CHD1L: variants seen among roughly 807,000 people sequenced by gnomAD.
CHD1L encodes the protein ATP-dependent chromatin remodeler CHD1L.
A neutral mutation model predicts 115.9 loss-of-function variants in CHD1L; 118 were observed. The observed-to-expected ratio is 1.02, with a 90% CI of 0.88 to 1.19. The LOEUF is 1.19. Ranked by LOEUF, CHD1L falls within the 50% of genes most tolerant of loss-of-function variation. The pLI is 0.00. For missense variants in CHD1L, 1,179 were observed against 1,065.3 expected (o/e 1.11, Z -1.49); for synonymous variants, 411 against 387.1 (o/e 1.06, Z -0.72).
intron 2 of CHD1L, among the ~76,000 whole-genome samples, chr1:147,253,258 G>C (rs1226237920): frequency 1.3e-5 from 2 of 152,028 alleles, no homozygotes; most frequent in Non-Finnish European, 2.9e-5. Flanking sequence ...CTCCACACTT[G>C]TTTTGTAGAC....
At position 147,268,764 on chromosome 1, in the gene CHD1L, G is replaced by T; in HGVS notation, c.989-18G>T. The T allele has an allele frequency of 6.2e-7, 1 of 1,607,548 alleles. No individual in the cohort carries two copies. Among genetic ancestry groups the T allele is most frequent in the South Asian group, 1.1e-5 (1 of 90,894 alleles). Reference sequence around the variant, plus strand: ...TTACTGAGGGCACATTACTGGGAGTGGGTTCTTTCTTTTCTAGGTGTGGAG... The same window carrying T: ...TTACTGAGGGCACATTACTGGGAGTTGGTTCTTTCTTTTCTAGGTGTGGAG... On this transcript the variant is annotated intron_variant, in intron 9 of 22. Coordinates refer to ENST00000369258, the MANE Select transcript of CHD1L (RefSeq NM_004284.6).
chr1:147,295,694 C>G lies in CHD1L; in HGVS notation c.*185C>G. The stretch of plus-strand genomic sequence containing the variant: ...TTGGTACCTGTAATATAGGGAAACA[C>G]AACTTTTTTTGGGAAAGCCCTTTGA... On this transcript the variant is annotated 3_prime_UTR_variant, in exon 23 of 23. Transcript: ENST00000369258. 2 of 523,446 alleles carry G rather than the reference C, an allele frequency of 3.8e-6. No individual in the cohort carries two copies. Among genetic ancestry groups the G allele is most frequent in the Admixed American group, 4.1e-5 (1 of 24,684 alleles). 32.4% of individuals were successfully genotyped at this position (523,446 alleles called of 1,614,324 possible).
chr1:147,282,808 C>A (rs1450347173), intron 15 of CHD1L, among the ~76,000 whole-genome samples: 3 of 152,174 alleles, frequency 2.0e-5, no homozygotes, highest in Non-Finnish European at 4.4e-5. Context: ...CTCAGTCAAT[C>A]CAACTGCCTA....
chr1:147,189,724 G>A, the CHD1L span, among the ~76,000 whole-genome samples: 2 of 152,148 alleles, frequency 1.3e-5, no homozygotes, highest in South Asian at 2.1e-4. Context: ...ACTGTGACTT[G>A]AGTGTGCTGT....
chr1:147,202,615 G>A, the CHD1L span, among the ~76,000 whole-genome samples: 1 of 152,060 alleles, frequency 6.6e-6, no homozygotes, highest in African/African-American at 2.4e-5. Context: ...ACAGCACCTG[G>A]CCTAAAAAGT....
chr1:147,258,531 T>C lies in CHD1L; in HGVS notation c.495-1306T>C, dbSNP rs188206573. 5.0e-3 allele frequency among the ~76,000 whole-genome samples: 765 copies of C among 152,344 alleles called. 2 individuals are homozygous for C. The highest frequency in any genetic ancestry group is 9.7e-3 in the Admixed American group (149 of 15,298). On this transcript the variant is annotated intron_variant, in intron 5 of 22. Coordinates refer to ENST00000369258, the MANE Select transcript of CHD1L (RefSeq NM_004284.6). The stretch of plus-strand genomic sequence containing the variant: ...ACTGGACCTTTGTTTCTTGTCATCC[T>C]TAAATGCATCCTCTGCTCATGCCAC...
chr1:147,291,411 G>A (rs1024565418), intron 19 of CHD1L, 71 bp from the exon 20 acceptor site: 23 of 1,280,040 alleles, frequency 1.8e-5, no homozygotes, highest in East Asian at 9.2e-5. Context: ...TGAAGAAGGC[G>A]AGATACGAGG....
At chr1:147,178,918 T>C in the CHD1L span, 1 of 1,586,020 alleles carries the variant, frequency 6.3e-7, no homozygotes, top group Non-Finnish European at 8.7e-7. Context: ...TGATGTGGAC[T>C]ATGAAAAGAA....
chr1:147,192,800 A>G, the CHD1L span, among the ~76,000 whole-genome samples: 4 of 152,122 alleles, frequency 2.6e-5, no homozygotes, highest in African/African-American at 9.7e-5. Flanking sequence ...TTCTGTTTAT[A>G]TGCTGGATTA....
chr1:147,180,526 C>T, the CHD1L span, among the ~76,000 whole-genome samples: 19 of 152,300 alleles, frequency 1.2e-4, no homozygotes, highest in South Asian at 2.1e-4. Flanking sequence ...CTCTTGACCT[C>T]GTGATCCACC....
intron 16 of CHD1L, 132 bp from the exon 17 acceptor site, chr1:147,285,192 A>AT: frequency 9.7e-7 from 1 of 1,025,650 alleles, no homozygotes; most frequent in Non-Finnish European, 1.4e-6. Context: ...AGTTCCCACC[A>AT]TGCAGGGTGT....
At chr1:147,209,191 G>A in the CHD1L span, 4 of 578,944 alleles carry the variant, frequency 6.9e-6, no homozygotes, top group South Asian at 5.9e-5. Flanking sequence ...AGGCCAAGGC[G>A]GGCGGATCAC....
the CHD1L span, among the ~76,000 whole-genome samples, chr1:147,201,657 G>C: frequency 6.6e-6 from 1 of 152,166 alleles, no homozygotes; most frequent in African/African-American, 2.4e-5. Flanking sequence ...ATTTATACTA[G>C]GTTGGCACAG....
chr1:147,200,312 A>ATATC, the CHD1L span, among the ~76,000 whole-genome samples: 1 of 152,148 alleles, frequency 6.6e-6, no homozygotes, highest in African/African-American at 2.4e-5. Flanking sequence ...GGAAATTCTC[A>ATATC]TATCTCTCCT....
the CHD1L span, among the ~76,000 whole-genome samples, chr1:147,198,694 C>A: frequency 4.6e-4 from 69 of 151,466 alleles, no homozygotes; most frequent in Admixed American, 1.8e-3. Context: ...ATTAAAAACA[C>A]AAAAAAACTA....
At chr1:147,230,645 T>C in the CHD1L span, among the ~76,000 whole-genome samples, 1 of 134,494 alleles carries the variant, frequency 7.4e-6, no homozygotes, top group African/African-American at 3.1e-5. Context: ...GTCCTGGACT[T>C]TTTTTGGTTG....
chr1:147,242,892 G>C, intron 1 of CHD1L, 62 bp downstream of exon 1: 1 of 1,241,898 alleles, frequency 8.1e-7, no homozygotes, highest in Non-Finnish European at 1.0e-6. Context: ...GCCTCTTGCG[G>C]GCCGGGGGCG....
At chr1:147,248,598 AT>A (rs1245329201) in intron 1 of CHD1L, among the ~76,000 whole-genome samples, 5 of 151,974 alleles carry the variant, frequency 3.3e-5, no homozygotes, top group Non-Finnish European at 7.4e-5. Flanking sequence ...TCTTATTTTT[AT>A]TGTTTTTAGT....
At chr1:147,217,238 T>TC in the CHD1L span, among the ~76,000 whole-genome samples, 59 of 150,490 alleles carry the variant, frequency 3.9e-4, 1 homozygote, top group East Asian at 3.9e-3. Context: ...AAACTCCGTC[T>TC]ACAAAAAAAA....
Sources: allele counts gnomAD v4.1 joint callset (sites outside exome capture counted in the v4.1 genomes callset), GRCh38; gene constraint gnomAD v4.1.1; transcripts MANE v1.5; gene names NCBI Gene and HGNC (gene_info 2026-07-23, HGNC 2026-07-21).